WDFY4: variants seen among roughly 807,000 people sequenced by gnomAD.
WDFY4 encodes WD repeat- and FYVE domain-containing protein 4.
WDFY4 carries 169 observed loss-of-function variants against 351.9 expected under a neutral mutation model. The observed-to-expected ratio is 0.48, with a 90% CI of 0.42 to 0.55. The LOEUF is 0.55. Ranked by LOEUF, WDFY4 falls within the 20% of genes least tolerant of loss-of-function variation. The pLI is 0.00. For synonymous variants in WDFY4, 1,622 were observed against 1,574.6 expected (o/e 1.03, Z -0.71); for missense variants, 3,803 against 3,935.6 (o/e 0.97, Z 0.90).
intron 47 of WDFY4, among the ~76,000 whole-genome samples, chr10:48,935,465 G>C (rs1266700068): frequency 2.0e-5 from 3 of 152,176 alleles, no homozygotes; most frequent in African/African-American, 7.2e-5. Context: ...CTATGGCAAC[G>C]GCCAAGCGGA....
chr10:48,790,489 A>C (rs1023800349), intron 22 of WDFY4, among the ~76,000 whole-genome samples: 11 of 152,110 alleles, frequency 7.2e-5, no homozygotes, highest in Non-Finnish European at 1.6e-4. Context: ...AATCTGAAAT[A>C]CTCTGGGCTG....
chr10:48,931,695 T>A (rs1393389848), intron 47 of WDFY4, among the ~76,000 whole-genome samples: 11 of 152,246 alleles, frequency 7.2e-5, no homozygotes, highest in Non-Finnish European at 1.3e-4. Flanking sequence ...CAGAAAATGC[T>A]GCAATGTCTA....
At chr10:48,872,506 C>T (rs1030494787) in intron 40 of WDFY4, among the ~76,000 whole-genome samples, 1 of 152,206 alleles carries the variant, frequency 6.6e-6, no homozygotes, top group Non-Finnish European at 1.5e-5. Context: ...TAATGAGTGT[C>T]TTTTCTGTTC....
chr10:48,716,104 C>T (rs777796371), intron 2 of WDFY4, among the ~76,000 whole-genome samples: 5 of 152,006 alleles, frequency 3.3e-5, no homozygotes, highest in Non-Finnish European at 5.9e-5. Flanking sequence ...AGTTTTGATG[C>T]GCCATTTTTT....
chr10:48,839,427 C>A (rs1294244193), intron 39 of WDFY4, among the ~76,000 whole-genome samples: 1 of 152,036 alleles, frequency 6.6e-6, no homozygotes, highest in African/African-American at 2.4e-5. Context: ...AGGGTCTTCC[C>A]CAGGAGATGA....
intron 35 of WDFY4, 89 bp downstream of exon 35, chr10:48,822,626 C>G (rs2067862733): frequency 7.4e-7 from 1 of 1,350,250 alleles, no homozygotes. Flanking sequence ...GATCTGCCCT[C>G]CCTCCCTGGA....
intron 44 of WDFY4, among the ~76,000 whole-genome samples, chr10:48,896,154 C>T (rs1837065654): frequency 6.6e-6 from 1 of 152,226 alleles, no homozygotes; most frequent in Non-Finnish European, 1.5e-5. Context: ...CTGGGTATAC[C>T]CAGCAGCTCA....
At chr10:48,818,749 A>T (rs375394225) in intron 32 of WDFY4, among the ~76,000 whole-genome samples, 1 of 152,222 alleles carries the variant, frequency 6.6e-6, no homozygotes, top group Non-Finnish European at 1.5e-5. Context: ...TCACAAAAAG[A>T]TAACATAGTT....
intron 51 of WDFY4, among the ~76,000 whole-genome samples, chr10:48,953,302 G>GTCTCTCTCTCTCTCTCTCTCTCTC (rs140127650): frequency 7.9e-6 from 1 of 125,914 alleles, no homozygotes; most frequent in Admixed American, 8.3e-5. Context: ...CATGAGATAT[G>GTCTCTCTCTCTCTCTCTCTCTCTC]TCTCTCTCTC....
At chr10:48,979,163 C>G (rs1295866740) in intron 60 of WDFY4, among the ~76,000 whole-genome samples, 1 of 152,176 alleles carries the variant, frequency 6.6e-6, no homozygotes, top group Non-Finnish European at 1.5e-5. Context: ...AATAACATCA[C>G]AAAGATCAAT....
chr10:48,802,540 T>C (rs1160063731), intron 24 of WDFY4, among the ~76,000 whole-genome samples: 2 of 151,614 alleles, frequency 1.3e-5, no homozygotes, highest in Non-Finnish European at 1.5e-5. Flanking sequence ...ACTGTCAGTA[T>C]TTAGAGAAGA....
chr10:48,936,746 G>A (rs572415814), intron 47 of WDFY4, among the ~76,000 whole-genome samples: 121 of 150,750 alleles, frequency 8.0e-4, no homozygotes, highest in African/African-American at 2.8e-3. Context: ...GCTGAGGCAG[G>A]AGAATCGCTT....
At position 48,943,415 on chromosome 10, in the gene WDFY4, T is replaced by C; in HGVS notation, c.7715T>C (p.Val2572Ala). The C allele has an allele frequency of 6.4e-7, 1 of 1,551,698 alleles. No homozygotes were observed. Among genetic ancestry groups the C allele is most frequent in the Non-Finnish European group, 8.7e-7 (1 of 1,146,834 alleles). The change falls in exon 49 of 62, where the codon GTG becomes GCG. Residue 2572 changes from valine (V) to alanine (A), a missense_variant. Around this residue, in one of 3 missense-constraint regions of WDFY4, gnomAD observed 3,054 missense variants for 3,148.6 expected, o/e 0.97. Transcript: ENST00000325239. ...RTCNDYMQYP[V>A]FPWVLADYTS... ...TGCAATGACTACATGCAGTACCCAG[T>C]GTTCCCCTGGGTCCTCGCAGACTAC...
At chr10:48,900,329 T>C (rs1837290994) in intron 46 of WDFY4, 23 bp downstream of exon 46, 2 of 1,530,488 alleles carry the variant, frequency 1.3e-6, no homozygotes, top group East Asian at 4.9e-5. Context: ...AAATCCTCCT[T>C]CTGAGGAAAC....
intron 47 of WDFY4, among the ~76,000 whole-genome samples, chr10:48,905,015 C>T (rs1837546940): frequency 6.6e-6 from 1 of 152,222 alleles, no homozygotes; most frequent in African/African-American, 2.4e-5. Flanking sequence ...TTCTCTCTCC[C>T]TGGAGCAATG....
Position 48,775,777 on chromosome 10 carries a change from A to G in WDFY4, c.2834A>G (p.His945Arg), listed in dbSNP as rs2066012044. The G allele has an allele frequency of 6.4e-7, 1 of 1,551,446 alleles. No individual in the cohort carries two copies. Among genetic ancestry groups the G allele is most frequent in the Non-Finnish European group, 8.7e-7 (1 of 1,146,896 alleles). Reference sequence around the variant, plus strand: ...ACAACAAAAATCCTTGATTCATCTCACACACACAGAGGCAACCCTGGGTGC... The same window carrying G: ...ACAACAAAAATCCTTGATTCATCTCGCACACACAGAGGCAACCCTGGGTGC... ...SATTKILDSS[H>R]THRGNPGCSG... Residue 945 changes from histidine (H) to arginine (R), a missense_variant, in exon 15 of 62, where the codon CAC (histidine) becomes CGC (arginine). By Grantham distance (29) the His-to-Arg change is conservative. Transcript: ENST00000325239.
At chr10:48,860,771 A>G (rs959702065) in intron 39 of WDFY4, among the ~76,000 whole-genome samples, 1 of 152,070 alleles carries the variant, frequency 6.6e-6, no homozygotes, top group Non-Finnish European at 1.5e-5. Flanking sequence ...TTATTTTGAG[A>G]CTTCTTTTTT....
intron 51 of WDFY4, among the ~76,000 whole-genome samples, chr10:48,950,655 TG>T (rs1427594669): frequency 1.3e-5 from 2 of 152,124 alleles, no homozygotes; most frequent in Non-Finnish European, 2.9e-5. Context: ...TAAAGCAAGG[TG>T]GGATCTACAG....
chr10:48,744,060 T>C (rs1430778498), intron 12 of WDFY4, among the ~76,000 whole-genome samples: 1 of 152,206 alleles, frequency 6.6e-6, no homozygotes, highest in Non-Finnish European at 1.5e-5. Flanking sequence ...TTGCTCTCCT[T>C]ACTTCCGCAG....
Sources: gnomAD v4.1 joint callset for allele counts (sites outside exome capture counted in the v4.1 genomes callset) on GRCh38, gnomAD v4.1.1 for gene constraint, gnomAD v4.1.1 regional missense constraint, MANE v1.5 for transcripts, NCBI Gene and HGNC (gene_info 2026-07-23, HGNC 2026-07-21) for gene names.